PCDH15: variants seen among roughly 807,000 people sequenced by gnomAD.
PCDH15 encodes the protein protocadherin-15.
Under a neutral mutation model 178.5 loss-of-function variants are expected in PCDH15, and 129 were observed. The observed-to-expected ratio is 0.72, with a 90% CI of 0.63 to 0.84. The LOEUF (loss-of-function observed/expected upper bound fraction) is 0.84, where lower values mean the gene tolerates loss of function less well. Ranked by LOEUF, PCDH15 falls within the 40% of genes least tolerant of loss-of-function variation. PCDH15 has a pLI of 0.00. For synonymous variants in PCDH15, 800 were observed against 732.0 expected (o/e 1.09, Z -1.50); for missense variants, 2,230 against 2,099.9 (o/e 1.06, Z -1.21).
chr10:54,902,503 C>A (rs1364669065), intron 2 of PCDH15, among the ~76,000 whole-genome samples: 1 of 152,120 alleles, frequency 6.6e-6, no homozygotes, highest in Non-Finnish European at 1.5e-5. Flanking sequence ...TGCTTGCTTC[C>A]CCTTGCCATT....
At chr10:55,537,427 G>A (rs1841604750) in intron 2 of PCDH15, among the ~76,000 whole-genome samples, 4 of 151,500 alleles carry the variant, frequency 2.6e-5, no homozygotes, top group Non-Finnish European at 5.9e-5. Flanking sequence ...ATGTATGTAT[G>A]TATGTATGTA....
intron 13 of PCDH15, among the ~76,000 whole-genome samples, chr10:54,154,335 T>C (rs909841568): frequency 5.9e-5 from 9 of 152,118 alleles, no homozygotes; most frequent in African/African-American, 2.2e-4. Context: ...AATTAAAAGT[T>C]TTCTGTGGAA....
At chr10:55,499,217 T>C (rs1840600189) in intron 2 of PCDH15, among the ~76,000 whole-genome samples, 1 of 151,818 alleles carries the variant, frequency 6.6e-6, no homozygotes, top group South Asian at 2.1e-4. Context: ...GAAGCAATAA[T>C]AACTACATGT....
chr10:54,964,865 A>G (rs1162383848), intron 2 of PCDH15, among the ~76,000 whole-genome samples: 1 of 152,226 alleles, frequency 6.6e-6, no homozygotes, highest in East Asian at 1.9e-4. Context: ...CTAGGAAGGC[A>G]CTAATGAATG....
intron 2 of PCDH15, among the ~76,000 whole-genome samples, chr10:54,615,658 G>A (rs2093117643): frequency 6.6e-6 from 1 of 151,584 alleles, no homozygotes; most frequent in Non-Finnish European, 1.5e-5. Context: ...TCTAGTGAGA[G>A]AGAAAAACAC....
At chr10:55,125,938 A>G (rs1348219049) in intron 2 of PCDH15, among the ~76,000 whole-genome samples, 1 of 152,070 alleles carries the variant, frequency 6.6e-6, no homozygotes, top group African/African-American at 2.4e-5. Flanking sequence ...TCTTTACCCT[A>G]ATCAGCTGAC....
intron 2 of PCDH15, among the ~76,000 whole-genome samples, chr10:54,949,465 G>A (rs1280071901): frequency 6.6e-6 from 1 of 151,932 alleles, no homozygotes; most frequent in African/African-American, 2.4e-5. Context: ...GGGAGGAACT[G>A]CTGTGAAGAC....
chr10:55,432,082 A>AACACACACACAC (rs58866288), intron 2 of PCDH15, among the ~76,000 whole-genome samples: 13,937 of 148,338 alleles, frequency 0.094, 1,304 homozygotes, highest in East Asian at 0.54. Flanking sequence ...CTATCATTTA[A>AACACACACACAC]ACACACACAC....
intron 2 of PCDH15, among the ~76,000 whole-genome samples, chr10:55,600,205 A>G (rs1459462061): frequency 6.6e-6 from 1 of 152,100 alleles, no homozygotes; most frequent in Non-Finnish European, 1.5e-5. Context: ...TCTACTAAAA[A>G]TACAAAAAAT....
intron 26 of PCDH15, among the ~76,000 whole-genome samples, chr10:53,893,953 CT>C (rs1381858135): frequency 2.0e-5 from 3 of 152,120 alleles, no homozygotes; most frequent in East Asian, 3.9e-4. Flanking sequence ...TTTTGCTAAA[CT>C]TTTTTTAAAA....
intron 2 of PCDH15, among the ~76,000 whole-genome samples, chr10:54,995,559 T>C (rs1839621157): frequency 6.6e-6 from 1 of 151,790 alleles, no homozygotes; most frequent in Non-Finnish European, 1.5e-5. Flanking sequence ...ATGGTGTCAG[T>C]GAAACTGGTC....
chr10:55,332,760 T>C (rs1327727583), intron 2 of PCDH15, among the ~76,000 whole-genome samples: 2 of 152,188 alleles, frequency 1.3e-5, no homozygotes, highest in Non-Finnish European at 1.5e-5. Context: ...AGTTTCCTTT[T>C]TTAGCTTGGC....
chr10:55,191,832 A>G (rs574111993), intron 1 of PCDH15, among the ~76,000 whole-genome samples: 1 of 151,758 alleles, frequency 6.6e-6, no homozygotes, highest in Non-Finnish European at 1.5e-5. Context: ...TTCCCAAACA[A>G]TTTTCATGAG....
intron 1 of PCDH15, among the ~76,000 whole-genome samples, chr10:54,787,296 T>C (rs114585771): frequency 0.058 from 8,732 of 151,770 alleles, 278 homozygotes; most frequent in Middle Eastern, 0.14. Flanking sequence ...TTTACAAAAA[T>C]CATCTTAATG....
chr10:55,122,869 T>C (rs989512891), intron 2 of PCDH15, among the ~76,000 whole-genome samples: 3 of 152,066 alleles, frequency 2.0e-5, no homozygotes, highest in African/African-American at 7.2e-5. Context: ...TCCAGAAAAT[T>C]ACCCTAAAGC....
At chr10:54,206,430 T>A (rs944623855) in intron 10 of PCDH15, among the ~76,000 whole-genome samples, 6 of 152,020 alleles carry the variant, frequency 3.9e-5, no homozygotes, top group South Asian at 2.1e-4. Context: ...AGGGGTAACT[T>A]TTTTTCTGTG....
chr10:54,146,965 G>GTA (rs562466579), intron 14 of PCDH15, among the ~76,000 whole-genome samples: 1 of 135,142 alleles, frequency 7.4e-6, no homozygotes, highest in African/African-American at 2.9e-5. Context: ...TATATATAAT[G>GTA]TATATATATA....
At chr10:54,540,775 C>G (rs925727053) in intron 2 of PCDH15, among the ~76,000 whole-genome samples, 8 of 152,064 alleles carry the variant, frequency 5.3e-5, no homozygotes, top group African/African-American at 1.2e-4. Context: ...TACTTTCAAA[C>G]CAAATAAAGC....
At chr10:55,321,132 A>G (rs776689409), upstream of PCDH15, among the ~76,000 whole-genome samples, 2 of 151,896 alleles carry the variant, frequency 1.3e-5, no homozygotes, top group African/African-American at 4.8e-5. Flanking sequence ...AGAAAGGAAA[A>G]GAAAAGAAAA....
Sources: gnomAD v4.1 joint callset for allele counts (sites outside exome capture counted in the v4.1 genomes callset) on GRCh38, gnomAD v4.1.1 for gene constraint, MANE v1.5 for transcripts, NCBI Gene and HGNC (gene_info 2026-07-23, HGNC 2026-07-21) for gene names.